Variants in COL5A2 observed in about 807,000 individuals in gnomAD.
COL5A2 encodes collagen alpha-2(V) chain.
A neutral mutation model predicts 208.2 loss-of-function variants in COL5A2; 23 were observed. That is an observed-to-expected ratio of 0.11 (90% CI 0.08 to 0.16). The LOEUF is 0.16. COL5A2 is among the 10% of genes least tolerant of loss of function. The probability of loss-of-function intolerance (pLI) is 1.00; values close to 1 mark genes in which losing one functional copy is unlikely to be tolerated. For synonymous variants in COL5A2, 625 were observed against 628.5 expected, an observed-to-expected ratio of 0.99 and a Z score of 0.08; for missense variants, 1,590 against 1,956.4, an observed-to-expected ratio of 0.81 and a Z score of 3.53.
chr2:189,258,058 G>GAGCCGATA, the COL5A2 span, among the ~76,000 whole-genome samples: 1 of 152,158 alleles, frequency 6.6e-6, no homozygotes, highest in South Asian at 2.1e-4. Flanking sequence ...AGCTTGCAGT[G>GAGCCGATA]AGCCGATATC....
the COL5A2 span, among the ~76,000 whole-genome samples, chr2:189,252,742 C>T: frequency 9.6e-5 from 8 of 82,926 alleles, no homozygotes; most frequent in African/African-American, 3.0e-4. Flanking sequence ...GCACATGTAC[C>T]CTATTAAAGT....
At chr2:189,121,852 A>T (rs979516152) in intron 1 of COL5A2, among the ~76,000 whole-genome samples, 12 of 152,194 alleles carry the variant, frequency 7.9e-5, no homozygotes, top group African/African-American at 2.9e-4. Context: ...AGTCAAAAAA[A>T]TAGTATAATG....
At chr2:189,067,365 T>C (rs1254878089) in intron 21 of COL5A2, among the ~76,000 whole-genome samples, 1 of 152,170 alleles carries the variant, frequency 6.6e-6, no homozygotes, top group Non-Finnish European at 1.5e-5. Context: ...GCAACACTAA[T>C]GATTTAATAA....
the COL5A2 span, among the ~76,000 whole-genome samples, chr2:189,357,972 G>A: frequency 0.024 from 3,630 of 152,102 alleles, 157 homozygotes; most frequent in African/African-American, 0.084. Context: ...CCTTGGCTAG[G>A]GGAGGGAAAG....
At chr2:189,097,242 T>C (rs1463562033) in intron 6 of COL5A2, 35 bp downstream of exon 6, 2 of 1,607,774 alleles carry the variant, frequency 1.2e-6, no homozygotes, top group Admixed American at 3.3e-5. Context: ...TGACTGGCTG[T>C]ACGTTCCCCA....
At chr2:189,214,199 T>G (rs1689251240) in intron 1 of COL5A2, among the ~76,000 whole-genome samples, 1 of 152,136 alleles carries the variant, frequency 6.6e-6, no homozygotes, top group African/African-American at 2.4e-5. Context: ...TCTAAGAATT[T>G]ATGCCTAAAA....
chr2:189,440,521 C>T, the COL5A2 span, among the ~76,000 whole-genome samples: 5 of 152,186 alleles, frequency 3.3e-5, no homozygotes, highest in African/African-American at 1.2e-4. Context: ...TATAATCTTA[C>T]GGAATCACCA....
intron 1 of COL5A2, among the ~76,000 whole-genome samples, chr2:189,204,189 G>A (rs1384032207): frequency 3.9e-5 from 6 of 152,158 alleles, no homozygotes; most frequent in Non-Finnish European, 8.8e-5. Context: ...GAGCCACCGC[G>A]CCCAGCCAGA....
the COL5A2 span, among the ~76,000 whole-genome samples, chr2:189,334,316 A>G: frequency 6.6e-6 from 1 of 152,020 alleles, no homozygotes; most frequent in African/African-American, 2.4e-5. Flanking sequence ...AACCATCATT[A>G]TCTGCTGATA....
the COL5A2 span, among the ~76,000 whole-genome samples, chr2:189,308,169 G>GTA: frequency 6.6e-6 from 1 of 151,966 alleles, no homozygotes; most frequent in South Asian, 2.1e-4. Flanking sequence ...AAAATCTCAT[G>GTA]TGTATTGTAA....
chr2:189,195,625 C>A (rs935432433), intron 1 of COL5A2, among the ~76,000 whole-genome samples: 4 of 152,030 alleles, frequency 2.6e-5, no homozygotes, highest in African/African-American at 9.7e-5. Context: ...ACATATAGAC[C>A]AATGGATCAG....
chr2:189,055,425 A>G (rs1685882260), intron 35 of COL5A2, among the ~76,000 whole-genome samples: 1 of 152,188 alleles, frequency 6.6e-6, no homozygotes, highest in Non-Finnish European at 1.5e-5. Flanking sequence ...CTTCATATGC[A>G]GCCCAAATAT....
chr2:189,042,820 G>T, intron 48 of COL5A2, 47 bp from the exon 49 acceptor site: 1 of 1,541,314 alleles, frequency 6.5e-7, no homozygotes, highest in Non-Finnish European at 8.9e-7. Context: ...TTTGGATCCT[G>T]CATTGTGCCA....
chr2:189,222,347 T>C (rs1290737934), intron 1 of COL5A2, among the ~76,000 whole-genome samples: 1 of 152,208 alleles, frequency 6.6e-6, no homozygotes. Context: ...CATATATATG[T>C]ATTTCAAGCT....
intron 8 of COL5A2, 47 bp downstream of exon 8, chr2:189,088,648 A>AT: frequency 7.0e-7 from 1 of 1,424,614 alleles, no homozygotes; most frequent in Non-Finnish European, 9.9e-7. Context: ...TTTTAAAATA[A>AT]TTTTTTTCAC....
In COL5A2 at chr2:189,145,506, C is replaced by T. The variant is rs932528226; in HGVS notation, c.97+34002G>A. On this transcript the variant is annotated intron_variant, in intron 1 of 53. Transcript: ENST00000374866. Reference sequence around the variant, plus strand: ...ATATCTAATTTACAATTATGTATTGCTATTTGGATCACACACTAAAACTTT... The same window carrying T: ...ATATCTAATTTACAATTATGTATTGTTATTTGGATCACACACTAAAACTTT... Among the ~76,000 whole-genome samples the T allele has an allele frequency of 4.6e-5, 7 of 152,026 alleles. No individual in the cohort carries two copies. The East Asian group carries it at 1.2e-3, about 25-fold the overall frequency.
intron 1 of COL5A2, among the ~76,000 whole-genome samples, chr2:189,161,287 T>A (rs2105803058): frequency 6.6e-6 from 1 of 152,102 alleles, no homozygotes; most frequent in Non-Finnish European, 1.5e-5. Context: ...TCACTGTATT[T>A]ATTAGACAGC....
chr2:189,311,274 C>T, the COL5A2 span: 761 of 1,451,480 alleles, frequency 5.2e-4, 6 homozygotes, highest in African/African-American at 9.6e-3. Context: ...TGTTTCAGAA[C>T]TTTGGTGTCA....
the COL5A2 span, among the ~76,000 whole-genome samples, chr2:189,373,321 C>T: frequency 6.6e-6 from 1 of 152,088 alleles, no homozygotes; most frequent in Non-Finnish European, 1.5e-5. Context: ...TTCAGTTCAA[C>T]AAATATTTAT....
Sources: allele counts gnomAD v4.1 joint callset (sites outside exome capture counted in the v4.1 genomes callset), GRCh38; gene constraint gnomAD v4.1.1; transcripts MANE v1.5; gene names NCBI Gene and HGNC (gene_info 2026-07-23, HGNC 2026-07-21).